The following BAZ2B variants were observed in gnomAD, a reference collection of about 807,000 sequenced individuals.
BAZ2B encodes the protein bromodomain adjacent to zinc finger domain 2B.
BAZ2B carries 91 observed loss-of-function variants against 246.0 expected under a neutral mutation model. The ratio of observed to expected loss-of-function variants is 0.37; its 90% CI spans 0.31 to 0.44. BAZ2B has a LOEUF of 0.44. Among genes scored for constraint, BAZ2B ranks in the 20% least tolerant of loss-of-function variants. BAZ2B has a pLI of 1.00. For missense variants in BAZ2B, 2,332 were observed against 2,533.7 expected (o/e 0.92, Z 1.71); for synonymous variants, 855 against 860.0 (o/e 0.99, Z 0.10).
At chr2:159,699,451 C>G in the BAZ2B span, among the ~76,000 whole-genome samples, 117 of 152,090 alleles carry the variant, frequency 7.7e-4, no homozygotes, top group African/African-American at 2.7e-3. Flanking sequence ...TCAGGAGGAT[C>G]ACTTGAGCCC....
intron 1 of BAZ2B, chr2:159,615,186 A>T (rs905039339): frequency 3.3e-5 from 5 of 150,770 alleles, no homozygotes; most frequent in African/African-American, 1.2e-4. Flanking sequence ...CAACAGAGCC[A>T]GCTCTGACTC....
intron 13 of BAZ2B, among the ~76,000 whole-genome samples, chr2:159,417,246 C>A (rs965434827): frequency 4.0e-5 from 6 of 151,012 alleles, no homozygotes; most frequent in Non-Finnish European, 8.8e-5. Flanking sequence ...TCTCAGCTCA[C>A]TGCAACCTCT....
chr2:159,586,505 A>C (rs1559842143), intron 1 of BAZ2B, among the ~76,000 whole-genome samples: 1 of 148,610 alleles, frequency 6.7e-6, no homozygotes, highest in Non-Finnish European at 1.5e-5. Context: ...TCAGGCTTCT[A>C]AGTTTCCTAC....
chr2:159,383,762 C>A lies in BAZ2B; in HGVS notation c.3687-82G>T. The A allele has an allele frequency of 4.2e-6, 5 of 1,204,128 alleles. No individual in the cohort carries two copies. The South Asian group carries it at 6.7e-5, about 16-fold the overall frequency. The allele number at this position is 1,204,128 out of a possible 1,614,324, so 74.6% of individuals were successfully genotyped here. On this transcript the variant is annotated intron_variant, in intron 23 of 36. Coordinates refer to ENST00000392783, the MANE Select transcript of BAZ2B (RefSeq NM_013450.4). ...AATTTGATATGCAATAAACTTGATACGTAAATTAATGCATTTTTGAATAAG... is the reference window on the plus strand; with the variant it reads ...AATTTGATATGCAATAAACTTGATAAGTAAATTAATGCATTTTTGAATAAG...
intron 7 of BAZ2B, 155 bp downstream of exon 7, chr2:159,438,854 C>T: frequency 8.3e-7 from 1 of 1,208,452 alleles, no homozygotes; most frequent in Admixed American, 2.5e-5. Flanking sequence ...TACCGTATGT[C>T]CCTTTAAAAA....
intron 27 of BAZ2B, among the ~76,000 whole-genome samples, chr2:159,366,714 G>A (rs2149344022): frequency 6.6e-6 from 1 of 152,272 alleles, no homozygotes. Context: ...GCATAGCTTT[G>A]GACTTTTTGT....
At chr2:159,489,156 T>C (rs1261363320) in intron 2 of BAZ2B, among the ~76,000 whole-genome samples, 2 of 152,058 alleles carry the variant, frequency 1.3e-5, no homozygotes, top group Non-Finnish European at 2.9e-5. Context: ...CACCACTGAG[T>C]CGCTGATTAT....
chr2:159,371,294 C>A (rs1559145113), intron 27 of BAZ2B, among the ~76,000 whole-genome samples: 1 of 152,090 alleles, frequency 6.6e-6, no homozygotes, highest in East Asian at 1.9e-4. Flanking sequence ...AGGCACGTGT[C>A]ACTGCATCTG....
intron 27 of BAZ2B, among the ~76,000 whole-genome samples, chr2:159,351,758 T>G (rs1329982029): frequency 6.6e-6 from 1 of 152,218 alleles, no homozygotes; most frequent in Non-Finnish European, 1.5e-5. Flanking sequence ...GTTCATATTT[T>G]TGCTCATTGT....
At chr2:159,614,061 TAC>T (rs1695305376) in intron 1 of BAZ2B, among the ~76,000 whole-genome samples, 1 of 152,316 alleles carries the variant, frequency 6.6e-6, no homozygotes, top group East Asian at 1.9e-4. Context: ...GCAAATTAAA[TAC>T]AGACAGTTTC....
At chr2:159,427,566 G>A (rs2070194571) in intron 13 of BAZ2B, among the ~76,000 whole-genome samples, 1 of 152,096 alleles carries the variant, frequency 6.6e-6, no homozygotes, top group African/African-American at 2.4e-5. Flanking sequence ...CTTTTGGACT[G>A]ACTTATAATA....
At chr2:159,661,790 T>A in the BAZ2B span, among the ~76,000 whole-genome samples, 1 of 148,248 alleles carries the variant, frequency 6.7e-6, no homozygotes, top group African/African-American at 2.5e-5. Context: ...TTTTTTTTTT[T>A]AATTGAGACA....
In BAZ2B at chr2:159,349,898, T is replaced by C; in HGVS notation, c.4673A>G (p.Gln1558Arg). Residue 1558 changes from glutamine to arginine, a missense_variant, in exon 28 of 37, where the codon CAA becomes CGA. Physicochemically the swap from Gln to Arg is conservative, Grantham distance 43 (BLOSUM62 1). Coordinates refer to ENST00000392783, the MANE Select transcript of BAZ2B (RefSeq NM_013450.4). ...TGTTCGTGGCAAAAGACTAAACCAT[T>C]GTCTATTCTTTTCAGTCAGCGTTTT... The part of the protein sequence containing the change: ...LLKTLTEKNR[Q>R]WFSLLPRTPC... The C allele has an allele frequency of 6.2e-7, 1 of 1,614,124 alleles. No individual in the cohort carries two copies. The highest frequency in any genetic ancestry group is 8.5e-7 in the Non-Finnish European group (1 of 1,179,960).
the BAZ2B span, among the ~76,000 whole-genome samples, chr2:159,637,196 G>A: frequency 2.6e-5 from 4 of 152,166 alleles, no homozygotes; most frequent in African/African-American, 7.2e-5. Context: ...TTGCACCTTA[G>A]GTACCAGCTT....
intron 27 of BAZ2B, among the ~76,000 whole-genome samples, chr2:159,371,584 G>A (rs1313272175): frequency 1.3e-5 from 2 of 152,128 alleles, no homozygotes; most frequent in African/African-American, 4.8e-5. Context: ...TTGCTCCTGA[G>A]GTTATGGCCT....
At chr2:159,707,377 C>T in the BAZ2B span, among the ~76,000 whole-genome samples, 2 of 151,818 alleles carry the variant, frequency 1.3e-5, no homozygotes, top group African/African-American at 4.8e-5. Context: ...ACTGAGAACT[C>T]ATCTCTATTA....
intron 32 of BAZ2B, 197 bp downstream of exon 32, chr2:159,337,370 T>C (rs1575732651): frequency 1.5e-6 from 2 of 1,343,314 alleles, no homozygotes; most frequent in African/African-American, 2.9e-5. Context: ...ATCACAGACA[T>C]ACAAGAAGAT....
At chr2:159,685,055 C>G in the BAZ2B span, among the ~76,000 whole-genome samples, 3 of 152,062 alleles carry the variant, frequency 2.0e-5, no homozygotes, top group African/African-American at 7.2e-5. Context: ...CCCTGCTATG[C>G]CTTTTTATGT....
At chr2:159,368,465 A>G (rs1416863905) in intron 27 of BAZ2B, among the ~76,000 whole-genome samples, 1 of 152,208 alleles carries the variant, frequency 6.6e-6, no homozygotes, top group African/African-American at 2.4e-5. Flanking sequence ...TAAGATAAAG[A>G]GAAGGAATCT....
Sources: allele counts gnomAD v4.1 joint callset (sites outside exome capture counted in the v4.1 genomes callset), GRCh38; gene constraint gnomAD v4.1.1; transcripts MANE v1.5; gene names NCBI Gene and HGNC (gene_info 2026-07-23, HGNC 2026-07-21).